Variants in SLC1A2 observed in about 807,000 individuals in gnomAD.
SLC1A2 encodes the protein excitatory amino acid transporter 2.
A neutral mutation model predicts 48.8 loss-of-function variants in SLC1A2; 15 were observed. That is an observed-to-expected ratio of 0.31 (90% CI 0.21 to 0.47). The LOEUF is 0.47. SLC1A2 is among the 20% of genes least tolerant of loss of function. The pLI is 0.99. For missense variants in SLC1A2, 502 were observed against 730.5 expected, an observed-to-expected ratio of 0.69 and a Z score of 3.61; for synonymous variants, 279 against 272.6, an observed-to-expected ratio of 1.02 and a Z score of -0.23.
At chr11:35,371,847 G>T (rs1345686443) in intron 1 of SLC1A2, among the ~76,000 whole-genome samples, 1 of 152,202 alleles carries the variant, frequency 6.6e-6, no homozygotes, top group African/African-American at 2.4e-5. Context: ...ACACATGAGA[G>T]TTTCAGTAAG....
intron 1 of SLC1A2, among the ~76,000 whole-genome samples, chr11:35,394,599 G>T (rs1000733018): frequency 6.6e-6 from 1 of 152,164 alleles, no homozygotes; most frequent in Admixed American, 6.5e-5. Context: ...TCACTCCATT[G>T]TACCACCTTC....
At chr11:35,371,588 T>G (rs1854065658) in intron 1 of SLC1A2, among the ~76,000 whole-genome samples, 1 of 152,214 alleles carries the variant, frequency 6.6e-6, no homozygotes. Context: ...CTCTGTGACC[T>G]CATTTAATGT....
intron 9 of SLC1A2, among the ~76,000 whole-genome samples, chr11:35,275,299 A>G (rs7105505): frequency 0.38 from 57,427 of 152,104 alleles, 11,057 homozygotes; most frequent in South Asian, 0.53. Context: ...TGTGAGAATT[A>G]GGCCATAGGT....
intron 1 of SLC1A2, among the ~76,000 whole-genome samples, chr11:35,351,266 C>A (rs1853242096): frequency 1.3e-5 from 2 of 152,218 alleles, no homozygotes; most frequent in African/African-American, 4.8e-5. Context: ...ACTTACGAGC[C>A]CATGCTCTTC....
intron 1 of SLC1A2, among the ~76,000 whole-genome samples, chr11:35,405,593 C>T (rs1923287): frequency 0.7 from 106,837 of 152,108 alleles, 38,347 homozygotes; most frequent in African/African-American, 0.85. Flanking sequence ...CTGGGAAAGA[C>T]AGAGGATGGG....
At chr11:35,322,640 G>A (rs1202835500) in intron 1 of SLC1A2, 1 of 1,535,020 alleles carries the variant, frequency 6.5e-7, no homozygotes, top group African/African-American at 1.4e-5. Flanking sequence ...GGGAGATAAA[G>A]ATGTCCAGAG....
intron 1 of SLC1A2, among the ~76,000 whole-genome samples, chr11:35,402,078 G>C (rs145182874): frequency 0.011 from 1,718 of 152,298 alleles, 15 homozygotes; most frequent in Non-Finnish European, 0.014. Flanking sequence ...TGATATTAGA[G>C]GGTTGTGATA....
intron 1 of SLC1A2, among the ~76,000 whole-genome samples, chr11:35,392,114 C>CACGT (rs935431198): frequency 1.3e-5 from 2 of 152,098 alleles, no homozygotes; most frequent in African/African-American, 4.8e-5. Context: ...TGTGTTTGTG[C>CACGT]ACGTGTGTGT....
chr11:35,370,049 G>C (rs533999205), intron 1 of SLC1A2, among the ~76,000 whole-genome samples: 1 of 152,262 alleles, frequency 6.6e-6, no homozygotes, highest in South Asian at 2.1e-4. Context: ...GAAGGGAAAA[G>C]TATACGTGAC....
chr11:35,360,200 C>T (rs960408049), intron 1 of SLC1A2: 1 of 456,714 alleles, frequency 2.2e-6, no homozygotes, highest in African/African-American at 2.1e-5. Flanking sequence ...ACAAACTGTC[C>T]TACTGACTTT....
chr11:35,366,854 G>A (rs893741383), intron 1 of SLC1A2, among the ~76,000 whole-genome samples: 4 of 152,174 alleles, frequency 2.6e-5, no homozygotes, highest in African/African-American at 9.7e-5. Flanking sequence ...CCGGGTCCTA[G>A]GTGAAGAAGG....
intron 1 of SLC1A2, among the ~76,000 whole-genome samples, chr11:35,395,233 C>T (rs115796082): frequency 0.018 from 2,755 of 151,790 alleles, 32 homozygotes; most frequent in African/African-American, 0.026. Context: ...GCTAATCTCT[C>T]AGGTGACTTC....
rs537875808 is a variant in SLC1A2 at position 35,269,623 on chromosome 11, C to T, written c.1422-3865G>A. Among the ~76,000 whole-genome samples, 265 of 152,300 alleles carry T rather than the reference C, an allele frequency of 1.7e-3. 1 individual carries two copies. The highest frequency in any genetic ancestry group is 5.7e-3 in the African/African-American group (237 of 41,562). The stretch of plus-strand genomic sequence containing the variant: ...CTTCTTCAACCCTTGACACCAAATC[C>T]TTGCTCTCCAGAAGCAGCCACTGAA... On this transcript the variant is annotated intron_variant, in intron 9 of 10. Transcript: ENST00000278379.
intron 1 of SLC1A2, among the ~76,000 whole-genome samples, chr11:35,341,913 G>A (rs1281138012): frequency 6.6e-6 from 1 of 152,222 alleles, no homozygotes; most frequent in African/African-American, 2.4e-5. Flanking sequence ...TTGATGCAAT[G>A]AAAGTGTATG....
chr11:35,320,360 G>A lies in SLC1A2; in HGVS notation c.18-2844C>T, dbSNP rs1047798553. ...CCTTTACTCAGAGAGGAAACATAAAGCACATTGTACTGTAATTGTCTGCTT... is the reference window on the plus strand; with the variant it reads ...CCTTTACTCAGAGAGGAAACATAAAACACATTGTACTGTAATTGTCTGCTT... On this transcript the variant is annotated intron_variant, in intron 1 of 10. Transcript: ENST00000278379. 2.6e-5 allele frequency among the ~76,000 whole-genome samples: 4 copies of A among 152,158 alleles called. No individual in the cohort carries two copies. In the East Asian group the frequency reaches 7.7e-4, roughly 29 times the overall value.
intron 1 of SLC1A2, among the ~76,000 whole-genome samples, chr11:35,386,758 C>T (rs1421275669): frequency 3.9e-5 from 6 of 152,174 alleles, no homozygotes; most frequent in East Asian, 1.9e-4. Flanking sequence ...ATCCTCACAA[C>T]CACCCCTAAA....
intron 1 of SLC1A2, among the ~76,000 whole-genome samples, chr11:35,336,925 T>C (rs114143351): frequency 0.025 from 3,880 of 152,266 alleles, 152 homozygotes; most frequent in African/African-American, 0.088. Context: ...TTCCATTCAG[T>C]GTACTGAGGT....
chr11:35,336,934 G>A (rs1377317463), intron 1 of SLC1A2, among the ~76,000 whole-genome samples: 1 of 152,234 alleles, frequency 6.6e-6, no homozygotes, highest in Middle Eastern at 3.4e-3. Flanking sequence ...GTGTACTGAG[G>A]TCTCTGTAGT....
chr11:35,305,322 G>T (rs184311432), intron 5 of SLC1A2, among the ~76,000 whole-genome samples: 6 of 152,298 alleles, frequency 3.9e-5, no homozygotes, highest in Non-Finnish European at 1.5e-5. Context: ...ATGTGCTACT[G>T]TGCCCTATAT....
Sources: allele counts gnomAD v4.1 joint callset (sites outside exome capture counted in the v4.1 genomes callset), GRCh38; gene constraint gnomAD v4.1.1; transcripts MANE v1.5; gene names NCBI Gene and HGNC (gene_info 2026-07-23, HGNC 2026-07-21).